The following MBD5 variants were observed in gnomAD, a reference collection of about 807,000 sequenced individuals.
The protein encoded by MBD5 is methyl-CpG binding domain protein 5.
A neutral mutation model predicts 117.3 loss-of-function variants in MBD5; 13 were observed. The ratio of observed to expected loss-of-function variants is 0.11; its 90% CI spans 0.07 to 0.18. MBD5 has a LOEUF of 0.18. Ranked by LOEUF, MBD5 falls within the 10% of genes least tolerant of loss-of-function variation. The pLI, the probability that MBD5 is intolerant of heterozygous loss-of-function variation, is 1.00. For missense variants in MBD5, 1,879 were observed against 2,093.8 expected (o/e 0.90, Z 2.00); for synonymous variants, 727 against 766.4 (o/e 0.95, Z 0.85).
At position 148,279,582 on chromosome 2, in the gene MBD5, A is replaced by G. The variant is rs558060853; in HGVS notation, c.-680+46187A>G. On this transcript the variant is annotated intron_variant, in intron 3 of 13. Transcript: ENST00000642680. ...GTCAAGATGACACCCACAATCCACT[A>G]TCACAGTATTGCTTTGCTACTTTTC... 2.6e-5 allele frequency among the ~76,000 whole-genome samples: 4 copies of G among 152,318 alleles called. No individual in the cohort carries two copies. The East Asian group carries it at 7.7e-4, about 29-fold the overall frequency.
chr2:148,046,469 A>C (rs1450031538), intron 1 of MBD5, among the ~76,000 whole-genome samples: 1 of 152,030 alleles, frequency 6.6e-6, no homozygotes, highest in Non-Finnish European at 1.5e-5. Context: ...TTATGTAATT[A>C]CTCATTAACA....
At chr2:148,387,073 C>T (rs940932685) in intron 4 of MBD5, among the ~76,000 whole-genome samples, 1 of 152,040 alleles carries the variant, frequency 6.6e-6, no homozygotes, top group African/African-American at 2.4e-5. Context: ...TATATCAAAC[C>T]CTTAATAGCC....
chr2:148,345,470 TAC>T lies in MBD5; in HGVS notation c.-557+3138_-557+3139del, dbSNP rs1327733369. Among the ~76,000 whole-genome samples the T allele has an allele frequency of 8.6e-4, 34 of 39,658 alleles. 4 individuals carry two copies. The highest frequency in any genetic ancestry group is 3.0e-3 in the African/African-American group (34 of 11,328). 26.0% of individuals were successfully genotyped at this position (39,658 alleles called of 152,430 possible). On this transcript the variant is annotated intron_variant, in intron 4 of 13. Transcript: ENST00000642680. ...ACACATACACATATACATATGTATA[TAC>T]ACATACATATACATATGTATATACA...
intron 3 of MBD5, among the ~76,000 whole-genome samples, chr2:148,268,432 C>T (rs1268835223): frequency 6.6e-6 from 1 of 151,906 alleles, no homozygotes; most frequent in African/African-American, 2.4e-5. Context: ...ATATGAGGCT[C>T]TCCTTGTTTT....
chr2:148,129,665 G>C (rs1696989579), intron 1 of MBD5, among the ~76,000 whole-genome samples: 1 of 152,160 alleles, frequency 6.6e-6, no homozygotes. Flanking sequence ...AGTTTTAAGA[G>C]TATAGCAATT....
chr2:148,470,611 C>A, intron 8 of MBD5, 150 bp downstream of exon 8: 1 of 669,320 alleles, frequency 1.5e-6, no homozygotes, highest in Non-Finnish European at 2.4e-6. Context: ...ATTTTATTTA[C>A]AGAATGCTAG....
intron 4 of MBD5, among the ~76,000 whole-genome samples, chr2:148,420,781 C>A (rs1354133342): frequency 6.6e-6 from 1 of 151,998 alleles, no homozygotes; most frequent in East Asian, 1.9e-4. Context: ...GCTGGGAGTA[C>A]GGTGGTGCTA....
chr2:148,477,836 GTTCT>G (rs1681020167), intron 8 of MBD5, among the ~76,000 whole-genome samples: 1 of 152,100 alleles, frequency 6.6e-6, no homozygotes, highest in African/African-American at 2.4e-5. Flanking sequence ...TATTTCTTAG[GTTCT>G]TGAATTTTAT....
intron 3 of MBD5, among the ~76,000 whole-genome samples, chr2:148,330,150 T>A (rs970430370): frequency 2.7e-4 from 36 of 133,374 alleles, no homozygotes; most frequent in African/African-American, 9.6e-4. Context: ...GTATGGTGGG[T>A]CATAGGATGA....
chr2:148,122,985 T>C (rs1171206830), intron 1 of MBD5, among the ~76,000 whole-genome samples: 2 of 152,188 alleles, frequency 1.3e-5, no homozygotes, highest in African/African-American at 4.8e-5. Context: ...TGACTAAGGA[T>C]AGACAGGCTG....
At chr2:148,155,929 A>G (rs1289855151) in intron 1 of MBD5, among the ~76,000 whole-genome samples, 1 of 152,212 alleles carries the variant, frequency 6.6e-6, no homozygotes, top group Non-Finnish European at 1.5e-5. Flanking sequence ...TTACTATCTG[A>G]AAGATAAGAG....
intron 12 of MBD5, chr2:148,503,077 A>G (rs1559105755): frequency 1.2e-5 from 2 of 161,844 alleles, no homozygotes; most frequent in Non-Finnish European, 2.7e-5. Context: ...TGTAGTACGG[A>G]CAAGCAGATA....
chr2:148,113,722 T>A (rs1334667213), intron 1 of MBD5, among the ~76,000 whole-genome samples: 1 of 152,214 alleles, frequency 6.6e-6, no homozygotes, highest in Non-Finnish European at 1.5e-5. Flanking sequence ...TAATCTGAAT[T>A]ATGTCTACTA....
intron 3 of MBD5, among the ~76,000 whole-genome samples, chr2:148,272,819 T>A (rs1357770730): frequency 6.6e-6 from 1 of 152,224 alleles, no homozygotes; most frequent in Non-Finnish European, 1.5e-5. Context: ...TACTTTTTGT[T>A]GTCTGTGCTT....
chr2:148,250,239 C>T (rs1197241829), intron 3 of MBD5, among the ~76,000 whole-genome samples: 1 of 152,076 alleles, frequency 6.6e-6, no homozygotes, highest in East Asian at 1.9e-4. Context: ...CATGTTGTCA[C>T]TTATAAGTGG....
At chr2:148,225,423 TA>T (rs766655973) in intron 2 of MBD5, among the ~76,000 whole-genome samples, 5 of 152,176 alleles carry the variant, frequency 3.3e-5, no homozygotes, top group Non-Finnish European at 7.3e-5. Flanking sequence ...GAAAACTTGT[TA>T]TGGTTATTTT....
At chr2:148,177,878 G>T (rs1203059661) in intron 1 of MBD5, among the ~76,000 whole-genome samples, 1 of 152,188 alleles carries the variant, frequency 6.6e-6, no homozygotes, top group African/African-American at 2.4e-5. Context: ...ATTTATGTTT[G>T]GCTTGAGAAT....
At chr2:148,248,896 A>G (rs1700404558) in intron 3 of MBD5, among the ~76,000 whole-genome samples, 1 of 152,080 alleles carries the variant, frequency 6.6e-6, no homozygotes, top group Admixed American at 6.5e-5. Flanking sequence ...GAGGTATATA[A>G]AATTAGGATA....
rs140228960 is a variant in MBD5 at position 148,483,386 on chromosome 2, A to G, written c.2795A>G (p.His932Arg). 7.4e-6 allele frequency: 12 copies of G among 1,614,086 alleles called. No individual in the cohort carries two copies. Among genetic ancestry groups the G allele is most frequent in the African/African-American group, 5.3e-5 (4 of 75,032 alleles). Residue 932 changes from histidine (H) to arginine (R), a missense_variant, in exon 9 of 14, where the codon CAT becomes CGT. Around this residue, in one of 4 missense-constraint regions of MBD5, gnomAD observed 1,666 missense variants for 1,792.2 expected, o/e 0.93. Coordinates refer to ENST00000642680, the MANE Select transcript of MBD5 (RefSeq NM_001378120.1). ...ATCTCTTTGCCAGTGAATCAACAGC[A>G]TCTCCTAAACCAGAATCTATTAAAT... ...LPISLPVNQQ[H>R]LLNQNLLNIL... is the part of the protein sequence containing the mutation.
Sources: gnomAD v4.1 joint callset for allele counts (sites outside exome capture counted in the v4.1 genomes callset) on GRCh38, gnomAD v4.1.1 for gene constraint, gnomAD v4.1.1 regional missense constraint, MANE v1.5 for transcripts, NCBI Gene and HGNC (gene_info 2026-07-23, HGNC 2026-07-21) for gene names.